Variants in LNPK observed in about 807,000 individuals in gnomAD.
The protein encoded by LNPK is lunapark, ER junction formation factor.
LNPK carries 29 observed loss-of-function variants against 55.2 expected under a neutral mutation model. The observed-to-expected ratio is 0.53, with a 90% confidence interval of 0.39 to 0.72. The LOEUF is 0.72. LNPK is among the 30% of genes least tolerant of loss of function. The pLI is 0.00. For synonymous variants in LNPK, 162 were observed against 168.2 expected, an observed-to-expected ratio of 0.96 and a Z score of 0.29; for missense variants, 467 against 494.8, an observed-to-expected ratio of 0.94 and a Z score of 0.53.
intron 8 of LNPK, among the ~76,000 whole-genome samples, chr2:175,962,513 G>A (rs1438435484): frequency 6.6e-6 from 1 of 152,204 alleles, no homozygotes; most frequent in African/African-American, 2.4e-5. Context: ...GCAGAAAGCT[G>A]AAACTGCATC....
Position 175,992,249 on chromosome 2 carries a change from A to T in LNPK, c.239T>A (p.Phe80Tyr). 31 of 1,556,604 alleles carry T rather than the reference A, an allele frequency of 2.0e-5. No homozygotes were observed. Among genetic ancestry groups the T allele is most frequent in the Non-Finnish European group, 2.7e-5 (31 of 1,161,880 alleles). ...TACTTACATCAATGGAAAAGCAAAA[A>T]ATGGGAGTGTCATGGCAAGTCTTGC... is the stretch of plus-strand genomic sequence containing the variant. ...FTARLAMTLPFFAFPLIIWSI... is the reference protein window; with the variant it reads ...FTARLAMTLPYFAFPLIIWSI... The change falls in exon 4 of 13, where the codon TTT becomes TAT. Residue 80 changes from phenylalanine (F) to tyrosine (Y), a missense_variant. Physicochemically the swap from Phe to Tyr is conservative, Grantham distance 22 (BLOSUM62 3). Transcript: ENST00000272748.
intron 5 of LNPK, 33 bp downstream of exon 5, chr2:175,979,777 A>G: frequency 6.9e-7 from 1 of 1,453,278 alleles, no homozygotes; most frequent in African/African-American, 1.4e-5. Flanking sequence ...GGTATTTTAA[A>G]AAATATTTAT....
intron 6 of LNPK, chr2:175,967,878 G>A (rs529517214): frequency 4.3e-5 from 20 of 467,962 alleles, no homozygotes; most frequent in African/African-American, 3.2e-4. Flanking sequence ...ATTTTAAGCC[G>A]CTATAAGGTT....
At chr2:175,988,512 CAAA>C (rs575414400) in intron 4 of LNPK, among the ~76,000 whole-genome samples, 1 of 58,728 alleles carries the variant, frequency 1.7e-5, no homozygotes, top group African/African-American at 6.8e-5. Context: ...ACTCTGTCTC[CAAA>C]AAAAAAAAAA....
chr2:175,946,205 C>T (rs1463375870), intron 9 of LNPK, among the ~76,000 whole-genome samples: 1 of 151,996 alleles, frequency 6.6e-6, no homozygotes, highest in Non-Finnish European at 1.5e-5. Context: ...TTATATGTTG[C>T]TAAACTTTTT....
At chr2:175,935,061 C>T (rs934044396) in intron 12 of LNPK, among the ~76,000 whole-genome samples, 4 of 151,876 alleles carry the variant, frequency 2.6e-5, no homozygotes, top group African/African-American at 9.7e-5. Context: ...ACTTCAAAAT[C>T]CTTACATCAC....
At chr2:175,961,828 C>T (rs1025225671) in intron 8 of LNPK, among the ~76,000 whole-genome samples, 3 of 152,102 alleles carry the variant, frequency 2.0e-5, no homozygotes, top group Non-Finnish European at 2.9e-5. Context: ...CAAAATCTCC[C>T]TAAGCTGATA....
In LNPK at chr2:175,937,491, A is replaced by C; in HGVS notation, c.907T>G (p.Phe303Val). 1 of 1,612,946 alleles carries C rather than the reference A, an allele frequency of 6.2e-7. No individual in the cohort carries two copies. Reference sequence around the variant, plus strand: ...CTGGTTTTTCTTGCAGGGTTCAAGAAAAAACAGTAGGCACATCGAAAAGCT... The same window carrying C: ...CTGGTTTTTCTTGCAGGGTTCAAGACAAAACAGTAGGCACATCGAAAAGCT... ...YIAFRCAYCF[F>V]LNPARKTRPQ... Residue 303 changes from phenylalanine to valine, a missense_variant, in exon 12 of 13, where the codon TTC becomes GTC. Phe to Val is a conservative substitution (Grantham distance 50, BLOSUM62 -1). Transcript: ENST00000272748.
intron 10 of LNPK, 54 bp downstream of exon 10, chr2:175,939,492 TACACAC>T: frequency 1.1e-6 from 1 of 885,194 alleles, no homozygotes; most frequent in Non-Finnish European, 1.8e-6. Flanking sequence ...ATCTAGTGTG[TACACAC>T]ACACACACAT....
At chr2:175,981,563 A>G (rs747481633) in intron 4 of LNPK, among the ~76,000 whole-genome samples, 5 of 152,202 alleles carry the variant, frequency 3.3e-5, no homozygotes, top group Non-Finnish European at 7.3e-5. Context: ...GAAACTAAAC[A>G]TAGGCTTGCC....
At chr2:175,938,093 C>T (rs566203215) in intron 11 of LNPK, among the ~76,000 whole-genome samples, 49 of 152,168 alleles carry the variant, frequency 3.2e-4, no homozygotes, top group African/African-American at 1.1e-3. Flanking sequence ...TTGTGATGCA[C>T]AGTGGGGTTT....
intron 8 of LNPK, among the ~76,000 whole-genome samples, chr2:175,957,878 C>A (rs1685774396): frequency 6.6e-6 from 1 of 152,258 alleles, no homozygotes; most frequent in Non-Finnish European, 1.5e-5. Flanking sequence ...TTCCAACAGT[C>A]TGAGCAAACC....
chr2:175,984,378 G>A (rs970066413), intron 4 of LNPK, among the ~76,000 whole-genome samples: 5 of 152,084 alleles, frequency 3.3e-5, no homozygotes, highest in Non-Finnish European at 5.9e-5. Context: ...GGTTTCACAT[G>A]TTGGTCAGGC....
chr2:175,954,316 C>T (rs946692042), intron 8 of LNPK, among the ~76,000 whole-genome samples: 1 of 152,108 alleles, frequency 6.6e-6, no homozygotes. Flanking sequence ...GCCTGCTACC[C>T]AACTTATTTA....
chr2:176,001,404 T>C (rs1388840488), intron 1 of LNPK, among the ~76,000 whole-genome samples: 2 of 152,166 alleles, frequency 1.3e-5, no homozygotes, highest in Non-Finnish European at 2.9e-5. Flanking sequence ...GGGTCTTGCT[T>C]AGTACTGTGA....
intron 8 of LNPK, among the ~76,000 whole-genome samples, chr2:175,959,369 T>TCAG (rs1411425343): frequency 6.6e-6 from 1 of 152,204 alleles, no homozygotes; most frequent in Non-Finnish European, 1.5e-5. Flanking sequence ...AGCAGATCTC[T>TCAG]CAGCAGAAAC....
At chr2:175,989,835 T>A (rs1466939061) in intron 4 of LNPK, among the ~76,000 whole-genome samples, 1 of 152,160 alleles carries the variant, frequency 6.6e-6, no homozygotes, top group Non-Finnish European at 1.5e-5. Flanking sequence ...CATTCTGAAG[T>A]GAAAATATAA....
At position 175,979,794 on chromosome 2, in the gene LNPK, T is replaced by C; in HGVS notation, c.316+16A>G. The stretch of plus-strand genomic sequence containing the variant: ...TATTTTAAAAAATATTTATTAAAAA[T>C]TGGAATTAAACTTACTATTTCTTTC... On this transcript the variant is annotated intron_variant, in intron 5 of 12. Coordinates refer to ENST00000272748, the MANE Select transcript of LNPK (RefSeq NM_030650.3). 6.6e-7 allele frequency: 1 copy of C among 1,515,604 alleles called. No homozygotes were observed. The highest frequency in any genetic ancestry group is 8.9e-7 in the Non-Finnish European group (1 of 1,124,200). 93.9% of individuals were successfully genotyped at this position (1,515,604 alleles called of 1,614,324 possible).
At chr2:175,951,607 A>ATATCTATATATATATATC (rs1553501590) in intron 8 of LNPK, among the ~76,000 whole-genome samples, 5 of 121,716 alleles carry the variant, frequency 4.1e-5, no homozygotes, top group Non-Finnish European at 7.5e-5. Context: ...ATATATATAT[A>ATATCTATATATATATATC]TATCTCAGTT....
Sources: allele counts gnomAD v4.1 joint callset (sites outside exome capture counted in the v4.1 genomes callset), GRCh38; gene constraint gnomAD v4.1.1; transcripts MANE v1.5; gene names NCBI Gene and HGNC (gene_info 2026-07-23, HGNC 2026-07-21).